The following PICALM variants were observed in gnomAD, a reference collection of about 807,000 sequenced individuals.
PICALM encodes phosphatidylinositol-binding clathrin assembly protein.
Under a neutral mutation model 80.5 loss-of-function variants are expected in PICALM, and 40 were observed. The observed-to-expected ratio is 0.50, with a 90% confidence interval of 0.39 to 0.65. The LOEUF is 0.65. Among genes scored for constraint, PICALM ranks in the 30% least tolerant of loss-of-function variants. The pLI is 0.00. For synonymous variants in PICALM, 288 were observed against 260.3 expected, an observed-to-expected ratio of 1.11 and a Z score of -1.02; for missense variants, 676 against 778.9, an observed-to-expected ratio of 0.87 and a Z score of 1.57.
At chr11:85,976,411 C>A (rs1380128358) in intron 18 of PICALM, among the ~76,000 whole-genome samples, 1 of 152,080 alleles carries the variant, frequency 6.6e-6, no homozygotes, top group African/African-American at 2.4e-5. Context: ...AAAAATAAAC[C>A]AAGTAATACT....
chr11:86,034,046 T>C (rs2095802049), intron 1 of PICALM, among the ~76,000 whole-genome samples: 1 of 152,206 alleles, frequency 6.6e-6, no homozygotes, highest in African/African-American at 2.4e-5. Context: ...AAAACTATAG[T>C]ATGCTTTTAG....
chr11:85,996,001 C>T (rs2094947090), intron 12 of PICALM, among the ~76,000 whole-genome samples: 1 of 152,102 alleles, frequency 6.6e-6, no homozygotes, highest in African/African-American at 2.4e-5. Flanking sequence ...TAGGGTTTTA[C>T]TATCTGCTCT....
chr11:86,046,501 C>T (rs1285074378), intron 1 of PICALM, among the ~76,000 whole-genome samples: 1 of 152,132 alleles, frequency 6.6e-6, no homozygotes, highest in Admixed American at 6.5e-5. Context: ...TCATTTCTTT[C>T]TTACCATCAT....
chr11:86,032,611 G>C (rs2095775409), intron 1 of PICALM, among the ~76,000 whole-genome samples: 1 of 152,174 alleles, frequency 6.6e-6, no homozygotes, highest in Non-Finnish European at 1.5e-5. Context: ...GGGCAACAGA[G>C]TGAGACTCTG....
At chr11:86,027,503 T>TC (rs2095668168) in intron 2 of PICALM, among the ~76,000 whole-genome samples, 1 of 150,886 alleles carries the variant, frequency 6.6e-6, no homozygotes, top group Non-Finnish European at 1.5e-5. Context: ...AATCAGTATT[T>TC]TTTTTTTTTT....
At chr11:85,985,018 C>T (rs1052972025) in intron 13 of PICALM, among the ~76,000 whole-genome samples, 1 of 152,132 alleles carries the variant, frequency 6.6e-6, no homozygotes, top group South Asian at 2.1e-4. Flanking sequence ...TCTTCCTTTT[C>T]TAAATTCTAC....
intron 5 of PICALM, 40 bp from the exon 6 acceptor site, chr11:86,012,432 T>A: frequency 1.8e-6 from 2 of 1,108,616 alleles, no homozygotes; most frequent in Non-Finnish European, 2.8e-6. Context: ...TAATCTTAGG[T>A]TTTAAATGAC....
At chr11:85,988,684 AAAAG>A (rs1004493378) in intron 13 of PICALM, among the ~76,000 whole-genome samples, 46 of 152,278 alleles carry the variant, frequency 3.0e-4, no homozygotes, top group African/African-American at 9.9e-4. Context: ...GAAGAGAAAA[AAAAG>A]AAAGAGAAGA....
At chr11:85,988,816 G>A (rs1462526022) in intron 13 of PICALM, among the ~76,000 whole-genome samples, 1 of 152,092 alleles carries the variant, frequency 6.6e-6, no homozygotes, top group Non-Finnish European at 1.5e-5. Flanking sequence ...GCTCCATGAA[G>A]TATTAAAAAA....
chr11:85,997,224 A>G (rs997917515), intron 11 of PICALM, among the ~76,000 whole-genome samples: 1 of 152,232 alleles, frequency 6.6e-6, no homozygotes, highest in African/African-American at 2.4e-5. Flanking sequence ...AAATGAACCT[A>G]AACAACAAGA....
chr11:86,008,968 GA>G (rs1484243473), intron 7 of PICALM, among the ~76,000 whole-genome samples: 1 of 130,792 alleles, frequency 7.6e-6, no homozygotes, highest in Non-Finnish European at 1.7e-5. Context: ...AAAAAAAAAA[GA>G]AAAAAAGCGT....
At chr11:86,022,704 A>G (rs1209969216) in intron 3 of PICALM, among the ~76,000 whole-genome samples, 1 of 151,926 alleles carries the variant, frequency 6.6e-6, no homozygotes. Flanking sequence ...TAAAAAAAAA[A>G]CCTCTTCCCT....
chr11:86,048,837 C>CAAA (rs36076234), intron 1 of PICALM, among the ~76,000 whole-genome samples: 2 of 102,004 alleles, frequency 2.0e-5, no homozygotes, highest in African/African-American at 3.9e-5. Flanking sequence ...AACTCCGTCT[C>CAAA]AAAAAAAAAA....
intron 1 of PICALM, among the ~76,000 whole-genome samples, chr11:86,066,747 A>C (rs959879685): frequency 4.4e-5 from 6 of 137,030 alleles, no homozygotes; most frequent in Non-Finnish European, 7.8e-5. Context: ...ACTCCCATAC[A>C]AAAAAAAAAA....
At chr11:86,029,826 G>A (rs897740523) in intron 2 of PICALM, among the ~76,000 whole-genome samples, 1 of 152,152 alleles carries the variant, frequency 6.6e-6, no homozygotes, top group East Asian at 1.9e-4. Flanking sequence ...TAGTTAAGAT[G>A]TTTCAAGTTA....
At chr11:86,060,071 T>G (rs2096334714) in intron 1 of PICALM, among the ~76,000 whole-genome samples, 1 of 152,224 alleles carries the variant, frequency 6.6e-6, no homozygotes. Context: ...CATCTCTTGC[T>G]TGAAATCTTC....
chr11:85,991,924 G>T (rs659801), intron 12 of PICALM, among the ~76,000 whole-genome samples: 124,756 of 151,970 alleles, frequency 0.82, 51,473 homozygotes, highest in African/African-American at 0.91. Context: ...GGTACAATCA[G>T]AGCTCACTGT....
intron 19 of PICALM, among the ~76,000 whole-genome samples, chr11:85,973,601 C>G (rs1048789372): frequency 2.6e-5 from 4 of 151,984 alleles, no homozygotes; most frequent in Non-Finnish European, 4.4e-5. Context: ...TCAGTACTAC[C>G]CCATTTTCAG....
intron 1 of PICALM, among the ~76,000 whole-genome samples, chr11:86,032,926 A>T (rs10501606): frequency 4.6e-5 from 7 of 152,192 alleles, no homozygotes; most frequent in African/African-American, 1.7e-4. Context: ...ATATAAGTTA[A>T]TATCTGATAA....
Sources: allele counts gnomAD v4.1 joint callset (sites outside exome capture counted in the v4.1 genomes callset), GRCh38; gene constraint gnomAD v4.1.1; transcripts MANE v1.5; gene names NCBI Gene and HGNC (gene_info 2026-07-23, HGNC 2026-07-21).